Variants in CMSS1 observed in about 807,000 individuals in gnomAD.
The protein encoded by CMSS1 is cms1 ribosomal small subunit homolog.
In CMSS1, 33 loss-of-function variants were observed where a neutral mutation model predicts 43.5. The observed-to-expected ratio is 0.76, with a 90% CI of 0.57 to 1.01. The LOEUF is 1.01. Among genes scored for constraint, CMSS1 ranks in the 50% least tolerant of loss-of-function variants. The pLI is 0.00. For synonymous variants in CMSS1, 115 were observed against 117.2 expected (o/e 0.98, Z 0.12); for missense variants, 313 against 326.4 (o/e 0.96, Z 0.32).
chr3:100,160,367 A>G lies in CMSS1; in HGVS notation c.154-63A>G. On this transcript the variant is annotated intron_variant, in intron 2 of 9. Transcript: ENST00000421999. ...CATGGCAGAAAGTACTTTGGGGTTC[A>G]TGCCACTAATTGACACTTTATCATG... is the stretch of plus-strand genomic sequence containing the variant. The G allele has an allele frequency of 1.6e-5, 13 of 803,126 alleles. No individual in the cohort carries two copies. The South Asian group carries it at 1.8e-4, about 11-fold the overall frequency. The allele number at this position is 803,126 out of a possible 1,614,324, so 49.7% of individuals were successfully genotyped here.
At chr3:100,124,848 TA>T (rs1044287747) in intron 1 of CMSS1, among the ~76,000 whole-genome samples, 2 of 151,926 alleles carry the variant, frequency 1.3e-5, no homozygotes, top group Non-Finnish European at 2.9e-5. Flanking sequence ...CAATGGTTTA[TA>T]AATTGATGAG....
At chr3:100,054,459 A>G (rs2065426368) in intron 1 of CMSS1, among the ~76,000 whole-genome samples, 1 of 151,024 alleles carries the variant, frequency 6.6e-6, no homozygotes, top group Admixed American at 6.6e-5. Flanking sequence ...AGCCAGTCTG[A>G]CCTGCTTCGT....
chr3:100,137,462 A>C lies in CMSS1; in HGVS notation c.65-9511A>C, dbSNP rs1046697863. Among the ~76,000 whole-genome samples the C allele has an allele frequency of 7.3e-4, 111 of 152,356 alleles. 1 individual carries two copies. Among genetic ancestry groups the C allele is most frequent in the African/African-American group, 2.5e-3 (105 of 41,584 alleles). The stretch of plus-strand genomic sequence containing the variant: ...TATGTAAATAAAAATTGGTAGAATT[A>C]CTGTAAAACATTGACAAGCTCAAAA... On this transcript the variant is annotated intron_variant, in intron 1 of 9. Transcript: ENST00000421999.
At chr3:100,124,839 A>G (rs941985247) in intron 1 of CMSS1, among the ~76,000 whole-genome samples, 4 of 152,008 alleles carry the variant, frequency 2.6e-5, no homozygotes, top group African/African-American at 9.7e-5. Flanking sequence ...TATTGATGTC[A>G]ATGGTTTATA....
intron 1 of CMSS1, among the ~76,000 whole-genome samples, chr3:99,977,494 A>T (rs893138548): frequency 1.3e-5 from 2 of 152,152 alleles, no homozygotes; most frequent in Non-Finnish European, 2.9e-5. Flanking sequence ...ATGTCAAGGA[A>T]GATAGCCAAT....
At chr3:100,170,407 C>T (rs779431936) in intron 6 of CMSS1, among the ~76,000 whole-genome samples, 5 of 152,142 alleles carry the variant, frequency 3.3e-5, no homozygotes, top group Non-Finnish European at 5.9e-5. Flanking sequence ...TTAGGTGAAG[C>T]GAGCTAGAAA....
intron 1 of CMSS1, among the ~76,000 whole-genome samples, chr3:99,954,048 A>G (rs147763513): frequency 1.6e-4 from 24 of 152,356 alleles, no homozygotes; most frequent in African/African-American, 5.5e-4. Context: ...GTGACCCTCA[A>G]GGAGGAGAAG....
chr3:99,825,402 GAAGA>G (rs1318448166), intron 1 of CMSS1, among the ~76,000 whole-genome samples: 2 of 152,188 alleles, frequency 1.3e-5, no homozygotes, highest in African/African-American at 4.8e-5. Context: ...GGGAAGGAAA[GAAGA>G]AAGAGGAGGG....
intron 1 of CMSS1, among the ~76,000 whole-genome samples, chr3:100,087,209 T>G (rs543324954): frequency 6.6e-6 from 1 of 152,362 alleles, no homozygotes; most frequent in African/African-American, 2.4e-5. Flanking sequence ...TGAGTGTTTC[T>G]CTAGGAGTGG....
At chr3:100,054,254 C>G (rs912574454) in intron 1 of CMSS1, among the ~76,000 whole-genome samples, 1 of 152,072 alleles carries the variant, frequency 6.6e-6, no homozygotes, top group Admixed American at 6.5e-5. Flanking sequence ...GATATGTTCT[C>G]TTTGACTTGC....
At chr3:99,853,122 T>G (rs926144447) in intron 1 of CMSS1, among the ~76,000 whole-genome samples, 15 of 152,002 alleles carry the variant, frequency 9.9e-5, no homozygotes, top group African/African-American at 3.6e-4. Flanking sequence ...CATAGCAGCT[T>G]CTTCTCAAAT....
chr3:99,909,253 C>T (rs1230487740), intron 1 of CMSS1, among the ~76,000 whole-genome samples: 12 of 152,144 alleles, frequency 7.9e-5, no homozygotes, highest in Admixed American at 7.9e-4. Flanking sequence ...CAATACCAAA[C>T]AGAAAATGGA....
intron 1 of CMSS1, among the ~76,000 whole-genome samples, chr3:100,065,107 T>C (rs2065641535): frequency 6.6e-6 from 1 of 152,092 alleles, no homozygotes; most frequent in Non-Finnish European, 1.5e-5. Flanking sequence ...TATAAGACAG[T>C]ATGGAATGTA....
At chr3:100,038,690 G>T (rs1311600397) in intron 1 of CMSS1, among the ~76,000 whole-genome samples, 2 of 152,070 alleles carry the variant, frequency 1.3e-5, no homozygotes, top group African/African-American at 4.8e-5. Context: ...TAAAGGACAC[G>T]ATCTCAGTCC....
chr3:99,924,092 A>T, intron 1 of CMSS1: 1 of 748,110 alleles, frequency 1.3e-6, no homozygotes, highest in Non-Finnish European at 2.3e-6. Flanking sequence ...CTTCAAACAT[A>T]TCCTTTTCCT....
chr3:99,940,954 G>T (rs991861047), intron 1 of CMSS1, among the ~76,000 whole-genome samples: 3 of 152,212 alleles, frequency 2.0e-5, no homozygotes, highest in Non-Finnish European at 4.4e-5. Flanking sequence ...CTCTTAAAGC[G>T]CCTTGGGCTA....
chr3:99,855,974 C>G (rs1044731887), intron 1 of CMSS1, among the ~76,000 whole-genome samples: 32 of 152,228 alleles, frequency 2.1e-4, no homozygotes, highest in African/African-American at 7.7e-4. Context: ...ACATATCCCT[C>G]TGGTACCCAT....
At chr3:99,952,438 C>T (rs1456344461) in intron 1 of CMSS1, among the ~76,000 whole-genome samples, 1 of 152,078 alleles carries the variant, frequency 6.6e-6, no homozygotes, top group Non-Finnish European at 1.5e-5. Flanking sequence ...CTACCCCAGC[C>T]CCAAAAATTC....
rs867288557 is a variant in CMSS1 at position 100,017,738 on chromosome 3, A to G, written c.65-129235A>G. Among the ~76,000 whole-genome samples the G allele has an allele frequency of 2.5e-4, 38 of 152,184 alleles. No homozygotes were observed. The Middle Eastern group carries it at 0.027, about 109-fold the overall frequency. ...CCAGGAGTTCAAAACCAGCCGAGGC[A>G]ACAAAGTGAGACACTGTCTCTAAAA... On this transcript the variant is annotated intron_variant, in intron 1 of 9. Transcript: ENST00000421999.
Sources: allele counts gnomAD v4.1 joint callset (sites outside exome capture counted in the v4.1 genomes callset), GRCh38; gene constraint gnomAD v4.1.1; transcripts MANE v1.5; gene names NCBI Gene and HGNC (gene_info 2026-07-23, HGNC 2026-07-21).